DLL1: variants seen among roughly 807,000 people sequenced by gnomAD.
The protein encoded by DLL1 is delta-like protein 1.
A neutral mutation model predicts 75.1 loss-of-function variants in DLL1; 9 were observed. The ratio of observed to expected loss-of-function variants is 0.12; its 90% confidence interval spans 0.07 to 0.21. The LOEUF is 0.21. Among genes scored for constraint, DLL1 ranks in the 10% least tolerant of loss-of-function variants. DLL1 has a pLI of 1.00. For synonymous variants in DLL1, 477 were observed against 418.3 expected (o/e 1.14, Z -1.71); for missense variants, 837 against 1,007.6 (o/e 0.83, Z 2.29).
rs937839690 is a variant in DLL1 at position 170,289,543 on chromosome 6, G to C, written c.320C>G (p.Pro107Arg). ...GGGADSAFSN[P>R]IRFPFGFTWP... Reference sequence around the variant, plus strand: ...GGTGAAGCCGAAGGGGAAGCGGATGGGGTTGCTGAACGCGGAGTCGGCGCC... The same window carrying C: ...GGTGAAGCCGAAGGGGAAGCGGATGCGGTTGCTGAACGCGGAGTCGGCGCC... The change falls in exon 2 of 11, where the codon CCC becomes CGC. Residue 107 changes from proline (P) to arginine (R), a missense_variant. By Grantham distance (103) the Pro-to-Arg change is moderately radical. Transcript: ENST00000366756. The C allele has an allele frequency of 6.5e-7, 1 of 1,535,082 alleles. No individual in the cohort carries two copies. The highest frequency in any genetic ancestry group is 8.7e-7 in the Non-Finnish European group (1 of 1,146,428).
chr6:170,290,257 G>T lies in DLL1; in HGVS notation c.-118C>A. The T allele has an allele frequency of 8.3e-7, 1 of 1,198,734 alleles. No homozygotes were observed. The highest frequency in any genetic ancestry group is 1.2e-6 in the Non-Finnish European group (1 of 863,336). The allele number at this position is 1,198,734 out of a possible 1,614,324, so 74.3% of individuals were successfully genotyped here. A position where few individuals can be genotyped will look rare whatever the true frequency, so the allele number is the denominator to read the frequency against. ...GTGGGCAGAAAAGCGCCCTTGCCTC[G>T]CCCCAGACCGCAGGACCCAGGACTT... On this transcript the variant is annotated 5_prime_UTR_variant, in exon 1 of 11. Transcript: ENST00000366756. This position sits in a 1 kb window ranked among gnomAD's most constrained non-coding sequence, Gnocchi z 4.7.
intron 8 of DLL1, among the ~76,000 whole-genome samples, chr6:170,284,320 C>T (rs1056822839): frequency 1.3e-5 from 2 of 152,080 alleles, no homozygotes; most frequent in Non-Finnish European, 2.9e-5. Flanking sequence ...GAGCATGTGC[C>T]ACTCGACCCA....
In DLL1 at chr6:170,284,995, G is replaced by A. The variant is rs765752717; in HGVS notation, c.1173C>T (p.Cys391=). ...CSDSPDGGYS[C]RCPVGYSGFN... ...AGCCGGAGTAGCCCACGGGGCAGCG[G>A]CAGCTGTACCCTCCATCGGGGCTGT... Residue 391 remains cysteine (C), a synonymous_variant, in exon 8 of 11, where the codon TGC becomes TGT. Coordinates refer to ENST00000366756, the MANE Select transcript of DLL1 (RefSeq NM_005618.4). The A allele has an allele frequency of 1.7e-5, 27 of 1,614,040 alleles. No individual in the cohort carries two copies. The highest frequency in any genetic ancestry group is 2.2e-5 in the Non-Finnish European group (26 of 1,180,048).
intron 5 of DLL1, among the ~76,000 whole-genome samples, chr6:170,286,037 G>A (rs1783688297): frequency 6.6e-6 from 1 of 152,160 alleles, no homozygotes; most frequent in African/African-American, 2.4e-5. Context: ...GCCGTTAAGG[G>A]GCTTAGACGA....
Position 170,286,385 on chromosome 6 carries a change from C to A in DLL1, c.671-87G>T, listed in dbSNP as rs73790660. The A allele has an allele frequency of 1.4e-3, 2,174 of 1,525,230 alleles. 32 individuals carry two copies. The African/African-American group carries it at 0.025, about 17-fold the overall frequency. 94.5% of individuals were successfully genotyped at this position (1,525,230 alleles called of 1,614,324 possible). ...CCCTTGGGGCCAGGACACAACTCGCCGGCTTCAGTCAGCAAATCCCAGCTG... is the reference window on the plus strand; with the variant it reads ...CCCTTGGGGCCAGGACACAACTCGCAGGCTTCAGTCAGCAAATCCCAGCTG... On this transcript the variant is annotated intron_variant, in intron 4 of 10. Transcript: ENST00000366756.
Position 170,283,628 on chromosome 6 carries a change from C to T in DLL1, c.1651G>A (p.Gly551Arg), listed in dbSNP as rs868491807. ...GPFPWVAVCA[G>R]VILVLMLLLG... ...AGCAGCATGAGGACAAGGATGACCC[C>T]GGCGCACACGGCCACCCAGGGGAAT... Residue 551 changes from glycine (G) to arginine (R), a missense_variant, in exon 9 of 11, where the codon GGG (glycine) becomes AGG (arginine). Gly to Arg is a moderately radical substitution (Grantham distance 125, BLOSUM62 -2). Around this residue, in one of 2 missense-constraint regions of DLL1, gnomAD observed 533 missense variants for 545.7 expected, o/e 0.98. Coordinates refer to ENST00000366756, the MANE Select transcript of DLL1 (RefSeq NM_005618.4). 4.4e-6 allele frequency: 7 copies of T among 1,606,916 alleles called. No homozygotes were observed. Among genetic ancestry groups the T allele is most frequent in the South Asian group, 1.1e-5 (1 of 90,734 alleles).
intron 5 of DLL1, 21 bp downstream of exon 5, chr6:170,286,217 C>T: frequency 6.2e-7 from 1 of 1,614,184 alleles, no homozygotes; most frequent in Non-Finnish European, 8.5e-7. Flanking sequence ...CAAAACAAAA[C>T]ACCACCTTGT....
Position 170,290,511 on chromosome 6 carries a change from A to G in DLL1, c.-372T>C, listed in dbSNP as rs1163694153. ...CTTCGCAGGAGAGGGAGGGGGAGAA[A>G]GAGAAAGAGAGAGAGTCCAGAGATT... On this transcript the variant is annotated 5_prime_UTR_variant, in exon 1 of 11. Transcript: ENST00000366756. This position sits in a 1 kb window ranked among gnomAD's most constrained non-coding sequence, Gnocchi z 4.7. The G allele has an allele frequency of 1.5e-5, 4 of 264,956 alleles. No individual in the cohort carries two copies. Among genetic ancestry groups the G allele is most frequent in the Non-Finnish European group, 2.8e-5 (4 of 142,468 alleles). 16.4% of individuals were successfully genotyped at this position (264,956 alleles called of 1,614,324 possible). A position where few individuals can be genotyped will look rare whatever the true frequency, so the allele number is the denominator to read the frequency against.
chr6:170,286,335 C>G, intron 4 of DLL1, 37 bp from the exon 5 acceptor site: 4 of 1,613,812 alleles, frequency 2.5e-6, no homozygotes, highest in Non-Finnish European at 3.4e-6. Flanking sequence ...AGCCCCACGC[C>G]AAGTACGTCC....
At position 170,282,777 on chromosome 6, in the gene DLL1, A is replaced by G; in HGVS notation, c.*97T>C. 5 of 1,597,512 alleles carry G rather than the reference A, an allele frequency of 3.1e-6. No homozygotes were observed. Among genetic ancestry groups the G allele is most frequent in the Non-Finnish European group, 3.4e-6 (4 of 1,166,498 alleles). Reference sequence around the variant, plus strand: ...CTCGGTTTCTCAGCAGCAGTCCACGAGGCCTCCCTCCTCTTCAGCAGCATT... The same window carrying G: ...CTCGGTTTCTCAGCAGCAGTCCACGGGGCCTCCCTCCTCTTCAGCAGCATT... On this transcript the variant is annotated 3_prime_UTR_variant, in exon 11 of 11. Coordinates refer to ENST00000366756, the MANE Select transcript of DLL1 (RefSeq NM_005618.4).
Position 170,283,029 on chromosome 6 carries a change from C to A in DLL1, c.2125G>T (p.Val709Phe). The A allele has an allele frequency of 6.2e-7, 1 of 1,614,178 alleles. No individual in the cohort carries two copies. The highest frequency in any genetic ancestry group is 1.3e-5 in the African/African-American group (1 of 75,056). ...CACTCATCCTTCTCCTCGGATATGA[C>A]GTACACCGACTGGTACTTGGTGTCT... ...SKDTKYQSVY[V>F]ISEEKDECVI... Residue 709 changes from valine (V) to phenylalanine (F), a missense_variant, in exon 10 of 11, where the codon GTC becomes TTC. This residue lies in a region of DLL1 where 533 missense variants were observed against 545.7 expected (regional missense o/e 0.98). Coordinates refer to ENST00000366756, the MANE Select transcript of DLL1 (RefSeq NM_005618.4).
chr6:170,290,274 C>T lies in DLL1; in HGVS notation c.-135G>A. The T allele has an allele frequency of 2.1e-6, 2 of 946,590 alleles. No individual in the cohort carries two copies. Among genetic ancestry groups the T allele is most frequent in the Non-Finnish European group, 3.0e-6 (2 of 673,628 alleles). 58.6% of individuals were successfully genotyped at this position (946,590 alleles called of 1,614,324 possible). On this transcript the variant is annotated 5_prime_UTR_variant, in exon 1 of 11. Transcript: ENST00000366756. The surrounding 1 kb of genome is among the most constrained non-coding windows in gnomAD (Gnocchi z 4.7). ...CTTGCCTCGCCCCAGACCGCAGGAC[C>T]CAGGACTTCTTTCTTTAAAAGCCGG...
chr6:170,287,869 C>A (rs891501575), intron 4 of DLL1, among the ~76,000 whole-genome samples: 3 of 152,164 alleles, frequency 2.0e-5, no homozygotes, highest in African/African-American at 7.2e-5. Context: ...TGAAATGGTG[C>A]CCCTGACACA....
chr6:170,282,945 C>A, intron 10 of DLL1, 43 bp downstream of exon 10: 5 of 1,614,238 alleles, frequency 3.1e-6, no homozygotes, highest in Non-Finnish European at 4.2e-6. Flanking sequence ...GCTTCAGGTG[C>A]TCCCATGCCG....
chr6:170,286,295 A>T lies in DLL1; in HGVS notation c.674T>A (p.Ile225Asn), dbSNP rs776493746. 26 of 1,614,106 alleles carry T rather than the reference A, an allele frequency of 1.6e-5. No individual in the cohort carries two copies. The highest frequency in any genetic ancestry group is 2.1e-5 in the Non-Finnish European group (25 of 1,180,050). The change falls in exon 5 of 11, where the codon ATC becomes AAC. Residue 225 changes from isoleucine (I) to asparagine (N), a missense_variant. Ile to Asn is a moderately radical substitution (Grantham distance 149). This residue lies in a region of DLL1 where 304 missense variants were observed against 461.9 expected (regional missense o/e 0.66). Transcript: ENST00000366756. Reference sequence around the variant, plus strand: ...CTGCTCATCACATCCAGGCAGGCAGATCGCTACAAGCAAAGGAAAAACAGG... The same window carrying T: ...CTGCTCATCACATCCAGGCAGGCAGTTCGCTACAAGCAAAGGAAAAACAGG... Reference protein sequence around the residue: ...GWKGPYCTEPICLPGCDEQHG... With the variant: ...GWKGPYCTEPNCLPGCDEQHG...
rs756714098 is a variant in DLL1, at chr6:170,288,154, C to T, written c.670+85G>A. 24 of 1,594,784 alleles carry T rather than the reference C, an allele frequency of 1.5e-5. No homozygotes were observed. In the Admixed American group the frequency reaches 3.4e-4, roughly 23 times the overall value. On this transcript the variant is annotated intron_variant, in intron 4 of 10. Transcript: ENST00000366756. ...ACCAGAACATCTCTACAGTCCCAAG[C>T]CCCCCGTGGCTCAGGAAGCCCCGTC... is the stretch of plus-strand genomic sequence containing the variant.
At chr6:170,284,174 T>A in intron 8 of DLL1, 145 bp from the exon 9 acceptor site, 1 of 1,105,042 alleles carries the variant, frequency 9.0e-7, no homozygotes, top group Non-Finnish European at 1.3e-6. Context: ...CAGCGCAAGG[T>A]GACATGGTTT....
chr6:170,283,374 G>A lies in DLL1; in HGVS notation c.1905C>T (p.Arg635=). 6.2e-7 allele frequency: 1 copy of A among 1,611,984 alleles called. No homozygotes were observed. Among genetic ancestry groups the A allele is most frequent in the African/African-American group, 1.3e-5 (1 of 75,058 alleles). The change falls in exon 9 of 11, where the codon CGC becomes CGT. Residue 635 remains arginine (R), a synonymous_variant. Transcript: ENST00000366756. The part of the protein sequence containing the change: ...HSADKNGFKA[R]YPAVDYNLVQ... Reference sequence around the variant, plus strand: ...CGAGGTTATAGTCCACCGCTGGGTAGCGGGCCTTGAAGCCATTCTTGTCGG... The same window carrying A: ...CGAGGTTATAGTCCACCGCTGGGTAACGGGCCTTGAAGCCATTCTTGTCGG...
chr6:170,290,675 C>CGGCGGCCCCTGCGGAT lies in DLL1; in HGVS notation c.-552_-537dup, dbSNP rs1449256214. ...GACGGTCGGCGGCGGCGGGTGTGCG[C>CGGCGGCCCCTGCGGAT]GGCGGCCCCTGCGGATCGCGGCCCG... On this transcript the variant is annotated 5_prime_UTR_variant, in exon 1 of 11. Coordinates refer to ENST00000366756, the MANE Select transcript of DLL1 (RefSeq NM_005618.4). This position sits in a 1 kb window ranked among gnomAD's most constrained non-coding sequence, Gnocchi z 4.7. 1.0e-5 allele frequency: 3 copies of CGGCGGCCCCTGCGGAT among 298,272 alleles called. No homozygotes were observed. The highest frequency in any genetic ancestry group is 6.8e-5 in the African/African-American group (3 of 44,154). 18.5% of individuals were successfully genotyped at this position (298,272 alleles called of 1,614,324 possible).
Sources: gnomAD v4.1 joint callset for allele counts (sites outside exome capture counted in the v4.1 genomes callset) on GRCh38, gnomAD v4.1.1 for gene constraint, gnomAD v4.1.1 regional missense constraint, Gnocchi (gnomAD v3.1) non-coding constraint, MANE v1.5 for transcripts, NCBI Gene and HGNC (gene_info 2026-07-23, HGNC 2026-07-21) for gene names.